APH1B: variants seen among roughly 807,000 people sequenced by gnomAD.
The protein encoded by APH1B is aph-1B gamma-secretase subunit.
APH1B carries 27 observed loss-of-function variants against 28.2 expected under a neutral mutation model. That is an observed-to-expected ratio of 0.96 (90% CI 0.70 to 1.32). The LOEUF (loss-of-function observed/expected upper bound fraction) is 1.32. Among genes scored for constraint, APH1B ranks in the 40% most tolerant of loss-of-function variants. APH1B has a pLI of 0.00. For missense variants in APH1B, 305 were observed against 313.6 expected (o/e 0.97, Z 0.21); for synonymous variants, 141 against 124.6 (o/e 1.13, Z -0.88).
intron 4 of APH1B, among the ~76,000 whole-genome samples, chr15:63,293,498 C>CTT (rs1284708232): frequency 2.0e-4 from 25 of 126,738 alleles, no homozygotes; most frequent in African/African-American, 6.2e-4. Flanking sequence ...TCTTCTTCTT[C>CTT]TTTTTTTTTT....
Position 63,302,463 on chromosome 15 carries a change from G to A in APH1B, c.597G>A (p.Val199=). The A allele has an allele frequency of 1.2e-6, 2 of 1,613,472 alleles. No individual in the cohort carries two copies. The highest frequency in any genetic ancestry group is 1.3e-5 in the African/African-American group (1 of 75,026). Residue 199 remains valine (V), a synonymous_variant, in exon 5 of 6, where the codon GTG becomes GTA. Transcript: ENST00000261879. ...LLIVLLTHLL[V]SAQTFISSYY... is the part of the protein sequence containing the mutation. ...TCGTTCTCCTGACCCACCTGCTGGT[G>A]TCAGCCCAGGTGAGTGTTGCCGCCA...
At chr15:63,299,652 C>T (rs1300549328) in intron 4 of APH1B, among the ~76,000 whole-genome samples, 1 of 152,050 alleles carries the variant, frequency 6.6e-6, no homozygotes, top group Non-Finnish European at 1.5e-5. Context: ...GATACTCCTG[C>T]CTCGGCCTCC....
intron 4 of APH1B, among the ~76,000 whole-genome samples, chr15:63,299,625 C>T (rs1257813419): frequency 3.3e-5 from 5 of 151,956 alleles, no homozygotes; most frequent in African/African-American, 9.7e-5. Flanking sequence ...AGGATGGTCT[C>T]GATCTCCTGA....
chr15:63,279,152 A>G lies in APH1B; in HGVS notation c.114-9A>G, dbSNP rs769406897. The G allele has an allele frequency of 1.3e-6, 2 of 1,538,568 alleles. No individual in the cohort carries two copies. Among genetic ancestry groups the G allele is most frequent in the Non-Finnish European group, 8.8e-7 (1 of 1,137,196 alleles). ...GTTCACTTGTAACTTTTTTTCCCGT[A>G]TTTTTCAGAGCTTTCTTCTGGTTGG... On this transcript the variant is annotated splice_polypyrimidine_tract_variant and intron_variant, in intron 1 of 5. Transcript: ENST00000261879.
chr15:63,287,398 T>C (rs2038458502), intron 3 of APH1B, 26 bp from the exon 4 acceptor site: 2 of 1,611,342 alleles, frequency 1.2e-6, no homozygotes, highest in Non-Finnish European at 1.7e-6. Context: ...AGGAAAAGAG[T>C]TAACAGTGTT....
At position 63,287,510 on chromosome 15, in the gene APH1B, A is replaced by C; in HGVS notation, c.442A>C (p.Ile148Leu). ...CTCCTTGGGGCCAGGCACAGTGGGC[A>C]TTCATGGAGATTCTCCTCAATTCTT... ...SDSLGPGTVG[I>L]HGDSPQFFLY... Residue 148 changes from isoleucine (I) to leucine (L), a missense_variant, in exon 4 of 6, where the codon ATT becomes CTT. Transcript: ENST00000261879. 6.2e-7 allele frequency: 1 copy of C among 1,613,984 alleles called. No homozygotes were observed. Among genetic ancestry groups the C allele is most frequent in the Non-Finnish European group, 8.5e-7 (1 of 1,179,870 alleles).
At chr15:63,296,760 C>T (rs749163074) in intron 4 of APH1B, among the ~76,000 whole-genome samples, 9 of 150,504 alleles carry the variant, frequency 6.0e-5, no homozygotes, top group East Asian at 2.0e-4. Flanking sequence ...TGGGTTCGAG[C>T]GATTCTCCTG....
In APH1B at chr15:63,308,856, CACA is replaced by C. The variant is rs2038714028; in HGVS notation, c.*3080_*3082del. The stretch of plus-strand genomic sequence containing the variant: ...CCAGGTAGACAAGATAGATGTCACA[CACA>C]ACAATTTTAAAGTATTTTGCTTAGT... On this transcript the variant is annotated 3_prime_UTR_variant, in exon 6 of 6. Coordinates refer to ENST00000261879, the MANE Select transcript of APH1B (RefSeq NM_031301.4). 1 of 152,242 alleles carries C rather than the reference CACA, an allele frequency of 6.6e-6. No individual in the cohort carries two copies. The highest frequency in any genetic ancestry group is 1.5e-5 in the Non-Finnish European group (1 of 68,054). The allele number at this position is 152,242 out of a possible 1,614,324, so 9.4% of individuals were successfully genotyped here.
chr15:63,279,710 A>G (rs2038364926), intron 2 of APH1B, among the ~76,000 whole-genome samples: 1 of 152,206 alleles, frequency 6.6e-6, no homozygotes, highest in South Asian at 2.1e-4. Flanking sequence ...CATGGAGACA[A>G]ACAAGCTAGG....
chr15:63,303,410 A>G (rs1048281634), intron 5 of APH1B, among the ~76,000 whole-genome samples: 19 of 152,194 alleles, frequency 1.2e-4, no homozygotes, highest in Non-Finnish European at 1.5e-4. Flanking sequence ...TCATCTTCAC[A>G]TCACTATAGA....
At chr15:63,303,614 C>A (rs1198143736) in intron 5 of APH1B, among the ~76,000 whole-genome samples, 2 of 152,132 alleles carry the variant, frequency 1.3e-5, no homozygotes, top group Non-Finnish European at 2.9e-5. Context: ...TCCCACCACA[C>A]CCTTCCAAGT....
At chr15:63,296,916 C>T (rs2038574353) in intron 4 of APH1B, among the ~76,000 whole-genome samples, 1 of 152,052 alleles carries the variant, frequency 6.6e-6, no homozygotes. Flanking sequence ...CCTTGGCCTC[C>T]CAGGCGTGAG....
At position 63,287,416 on chromosome 15, in the gene APH1B, C is replaced by G; in HGVS notation, c.356-8C>G. On this transcript the variant is annotated splice_region_variant and splice_polypyrimidine_tract_variant and intron_variant, in intron 3 of 5. Transcript: ENST00000261879. ...AAAAGAGTTAACAGTGTTTTTCTTCCTGTTTAGTTTCTGGCTTGGGCTTTG... is the reference window on the plus strand; with the variant it reads ...AAAAGAGTTAACAGTGTTTTTCTTCGTGTTTAGTTTCTGGCTTGGGCTTTG... The G allele has an allele frequency of 1.9e-6, 3 of 1,612,432 alleles. No individual in the cohort carries two copies. The highest frequency in any genetic ancestry group is 1.7e-6 in the Non-Finnish European group (2 of 1,179,264).
chr15:63,296,938 G>A lies in APH1B; in HGVS notation c.479-5407G>A, dbSNP rs148668881. ...CTCCCAGGCGTGAGCCACCCCGCCCGGCTGTAAATGTTGTTTCTTGAAGAT... is the reference window on the plus strand; with the variant it reads ...CTCCCAGGCGTGAGCCACCCCGCCCAGCTGTAAATGTTGTTTCTTGAAGAT... On this transcript the variant is annotated intron_variant, in intron 4 of 5. Coordinates refer to ENST00000261879, the MANE Select transcript of APH1B (RefSeq NM_031301.4). Among the ~76,000 whole-genome samples, 75 of 152,254 alleles carry A rather than the reference G, an allele frequency of 4.9e-4. No individual in the cohort carries two copies. In the East Asian group the frequency reaches 0.011, roughly 22 times the overall value.
intron 5 of APH1B, 150 bp downstream of exon 5, chr15:63,302,622 CT>C: frequency 9.5e-7 from 1 of 1,051,930 alleles, no homozygotes; most frequent in Non-Finnish European, 1.3e-6. Context: ...TCATGTAAGT[CT>C]TACCACAAAA....
chr15:63,278,198 G>A, intron 1 of APH1B: 1 of 422,608 alleles, frequency 2.4e-6, no homozygotes, highest in Non-Finnish European at 4.7e-6. Context: ...CCCCCACCCC[G>A]ATCCATTGAA....
At chr15:63,292,898 C>T (rs1466159698) in intron 4 of APH1B, among the ~76,000 whole-genome samples, 2 of 152,222 alleles carry the variant, frequency 1.3e-5, no homozygotes, top group Non-Finnish European at 2.9e-5. Flanking sequence ...TATTGCTTCA[C>T]AGTCTCTAGC....
intron 1 of APH1B, among the ~76,000 whole-genome samples, chr15:63,278,788 G>A (rs1039808444): frequency 6.6e-6 from 1 of 152,186 alleles, no homozygotes; most frequent in Non-Finnish European, 1.5e-5. Context: ...GCAGTAATCA[G>A]GGTTGTGTAT....
chr15:63,287,877 T>G (rs956491827), intron 4 of APH1B, among the ~76,000 whole-genome samples: 2 of 152,234 alleles, frequency 1.3e-5, no homozygotes, highest in Non-Finnish European at 2.9e-5. Flanking sequence ...GTAGAAGCCC[T>G]AATCTATAAT....
Sources: allele counts gnomAD v4.1 joint callset (sites outside exome capture counted in the v4.1 genomes callset), GRCh38; gene constraint gnomAD v4.1.1; transcripts MANE v1.5; gene names NCBI Gene and HGNC (gene_info 2026-07-23, HGNC 2026-07-21).